The following NEK4 variants were observed in gnomAD, a reference collection of about 807,000 sequenced individuals.
NEK4 encodes the protein serine/threonine-protein kinase Nek4.
In NEK4, 86 loss-of-function variants were observed where a neutral mutation model predicts 98.4. The ratio of observed to expected loss-of-function variants is 0.87; its 90% CI spans 0.73 to 1.05. NEK4 has a LOEUF of 1.05. Ranked by LOEUF, NEK4 falls within the 50% of genes least tolerant of loss-of-function variation. NEK4 has a pLI of 0.00. For missense variants in NEK4, 898 were observed against 950.3 expected (o/e 0.94, Z 0.72); for synonymous variants, 328 against 342.2 (o/e 0.96, Z 0.46).
In NEK4 at chr3:52,754,116, C is replaced by T. The variant is rs554278442; in HGVS notation, c.964-1780G>A. The T allele has an allele frequency of 1.1e-4, 28 of 254,588 alleles. 1 individual carries two copies. The highest frequency in any genetic ancestry group is 1.4e-3 in the Middle Eastern group (1 of 704). 15.8% of individuals were successfully genotyped at this position (254,588 alleles called of 1,614,324 possible). A position where few individuals can be genotyped will look rare whatever the true frequency, so the allele number is the denominator to read the frequency against. ...GGCAGAGGTTGCGGTGAGCCAAGAT[C>T]GCACCACTGCACTCTAGCCTGGGAA... On this transcript the variant is annotated intron_variant, in intron 6 of 15. Coordinates refer to ENST00000233027, the MANE Select transcript of NEK4 (RefSeq NM_003157.6).
intron 15 of NEK4, among the ~76,000 whole-genome samples, chr3:52,720,326 CA>C (rs1010550001): frequency 6.9e-6 from 1 of 144,958 alleles, no homozygotes; most frequent in African/African-American, 2.6e-5. Context: ...GACTCTGTCT[CA>C]AAAAAAAGAA....
intron 6 of NEK4, among the ~76,000 whole-genome samples, chr3:52,757,101 C>A (rs563572369): frequency 4.5e-4 from 69 of 152,288 alleles, no homozygotes; most frequent in African/African-American, 1.6e-3. Flanking sequence ...CAGAAAATAA[C>A]AAGTACTGGT....
intron 5 of NEK4, among the ~76,000 whole-genome samples, chr3:52,762,408 C>T (rs1331729555): frequency 1.3e-5 from 2 of 151,964 alleles, no homozygotes. Context: ...ACAGGACTAA[C>T]TCATAGGCAG....
chr3:52,730,156 T>C (rs2097368240), intron 15 of NEK4, among the ~76,000 whole-genome samples: 1 of 152,130 alleles, frequency 6.6e-6, no homozygotes, highest in South Asian at 2.1e-4. Flanking sequence ...CTATGAACAA[T>C]TGTATGCCAA....
chr3:52,750,852 G>A (rs1416144615), intron 7 of NEK4, among the ~76,000 whole-genome samples: 1 of 151,964 alleles, frequency 6.6e-6, no homozygotes, highest in Non-Finnish European at 1.5e-5. Flanking sequence ...GATCACTTAA[G>A]CCCAGGAAGT....
At chr3:52,759,832 A>C (rs1350247629) in intron 6 of NEK4, among the ~76,000 whole-genome samples, 3 of 152,240 alleles carry the variant, frequency 2.0e-5, no homozygotes, top group Non-Finnish European at 4.4e-5. Flanking sequence ...AAAAACCCAG[A>C]TGTCTACTAA....
intron 15 of NEK4, among the ~76,000 whole-genome samples, chr3:52,721,140 T>C (rs1306200248): frequency 1.3e-5 from 2 of 152,216 alleles, no homozygotes; most frequent in Admixed American, 6.5e-5. Flanking sequence ...GAGACAGTCA[T>C]GCTGTTCCTG....
intron 2 of NEK4, among the ~76,000 whole-genome samples, chr3:52,766,979 C>T (rs988345093): frequency 6.7e-5 from 10 of 149,418 alleles, no homozygotes; most frequent in African/African-American, 5.0e-5. Flanking sequence ...GGCGACAGAG[C>T]GAGACTCCGT....
chr3:52,714,219 G>C (rs1433914098), intron 15 of NEK4, among the ~76,000 whole-genome samples: 1 of 152,134 alleles, frequency 6.6e-6, no homozygotes, highest in Non-Finnish European at 1.5e-5. Context: ...CCGGGCTACA[G>C]AGCAACTCAA....
chr3:52,770,247 A>G (rs1020302432), intron 1 of NEK4, among the ~76,000 whole-genome samples: 1 of 151,996 alleles, frequency 6.6e-6, no homozygotes, highest in African/African-American at 2.4e-5. Flanking sequence ...GGGGCCCTTC[A>G]TTCAAGGAAT....
chr3:52,722,474 A>G (rs1427314457), intron 15 of NEK4, among the ~76,000 whole-genome samples: 1 of 152,186 alleles, frequency 6.6e-6, no homozygotes, highest in African/African-American at 2.4e-5. Context: ...TTATCACATG[A>G]TAAAAACTCA....
Position 52,748,893 on chromosome 3 carries a change from C to T in NEK4, c.1506+799G>A, listed in dbSNP as rs114692541. Among the ~76,000 whole-genome samples the T allele has an allele frequency of 6.4e-3, 981 of 152,174 alleles. 10 individuals carry two copies. The highest frequency in any genetic ancestry group is 0.022 in the African/African-American group (929 of 41,504). On this transcript the variant is annotated intron_variant, in intron 8 of 15. Transcript: ENST00000233027. ...GCCCAGCCAGGAGTTTGAGACCAGC[C>T]TAGACAACATAGGGACACCCTGTCC...
At chr3:52,765,829 C>A in intron 4 of NEK4, 58 bp downstream of exon 4, 1 of 999,122 alleles carries the variant, frequency 1.0e-6, no homozygotes, top group Non-Finnish European at 1.6e-6. Context: ...TTGCTAGTAG[C>A]TATTTATAAA....
rs151234659 is a variant in NEK4, at chr3:52,765,616, G to A, written c.666+271C>T. ...GAGACAAATAGCCTCTCAGGGCATC[G>A]GCACATCCTATGACTATAGGCATAG... On this transcript the variant is annotated intron_variant, in intron 4 of 15. Transcript: ENST00000233027. Among the ~76,000 whole-genome samples, 1,132 of 152,198 alleles carry A rather than the reference G, an allele frequency of 7.4e-3. 2 individuals are homozygous for A. The highest frequency in any genetic ancestry group is 8.8e-3 in the Non-Finnish European group (596 of 68,008).
rs1191531883 is a variant in NEK4 at position 52,738,665 on chromosome 3, G to A, written c.2299+764C>T. Among the ~76,000 whole-genome samples the A allele has an allele frequency of 2.6e-5, 4 of 152,018 alleles. No individual in the cohort carries two copies. The East Asian group carries it at 7.8e-4, about 30-fold the overall frequency. ...AAGTTTTCATCATGTTGCCCAGGCT[G>A]GTCTCAAACTCTTGGACTCAAGCAA... On this transcript the variant is annotated intron_variant, in intron 14 of 15. Coordinates refer to ENST00000233027, the MANE Select transcript of NEK4 (RefSeq NM_003157.6).
At chr3:52,759,394 C>T (rs570668861) in intron 6 of NEK4, among the ~76,000 whole-genome samples, 3 of 129,578 alleles carry the variant, frequency 2.3e-5, no homozygotes, top group African/African-American at 9.3e-5. Context: ...GAGCAAGACC[C>T]TGTATCAAAA....
chr3:52,723,766 GGAGA>G lies in NEK4; in HGVS notation c.2434-11901_2434-11898del, dbSNP rs890398439. On this transcript the variant is annotated intron_variant, in intron 15 of 15. Coordinates refer to ENST00000233027, the MANE Select transcript of NEK4 (RefSeq NM_003157.6). ...GCAATGTGGGAGTCCCAGAGAAAGA[GGAGA>G]GAGAGGGGATCAGATAAATGATCTG... Among the ~76,000 whole-genome samples, 4 of 150,548 alleles carry G rather than the reference GGAGA, an allele frequency of 2.7e-5. No homozygotes were observed. The South Asian group carries it at 9.5e-4, about 36-fold the overall frequency.
intron 10 of NEK4, among the ~76,000 whole-genome samples, chr3:52,744,683 CAAA>C (rs567707729): frequency 3.7e-5 from 3 of 81,154 alleles, no homozygotes; most frequent in Middle Eastern, 5.7e-3. Context: ...GACTCCATCT[CAAA>C]AAAAAAAAAA....
At chr3:52,752,937 C>T (rs1196599297) in intron 6 of NEK4, among the ~76,000 whole-genome samples, 3 of 118,286 alleles carry the variant, frequency 2.5e-5, no homozygotes, top group Non-Finnish European at 5.3e-5. Flanking sequence ...TATATATACA[C>T]ACACACACAC....
Sources: gnomAD v4.1 joint callset for allele counts (sites outside exome capture counted in the v4.1 genomes callset) on GRCh38, gnomAD v4.1.1 for gene constraint, MANE v1.5 for transcripts, NCBI Gene and HGNC (gene_info 2026-07-23, HGNC 2026-07-21) for gene names.